Variants in TRIP13 observed in about 807,000 individuals in gnomAD.
TRIP13 encodes the protein thyroid hormone receptor interactor 13.
TRIP13 carries 25 observed loss-of-function variants against 54.4 expected under a neutral mutation model. The ratio of observed to expected loss-of-function variants is 0.46; its 90% CI spans 0.33 to 0.64. TRIP13 has a LOEUF of 0.64. Among genes scored for constraint, TRIP13 ranks in the 30% least tolerant of loss-of-function variants. The pLI is 0.02. For synonymous variants in TRIP13, 207 were observed against 207.8 expected (o/e 1.00, Z 0.03); for missense variants, 373 against 534.2 (o/e 0.70, Z 2.97).
At chr5:906,323 A>G (rs1315696912) in intron 6 of TRIP13, among the ~76,000 whole-genome samples, 1 of 151,676 alleles carries the variant, frequency 6.6e-6, no homozygotes, top group African/African-American at 2.4e-5. Context: ...AGAAATGGCA[A>G]AAAGAAGTCC....
intron 5 of TRIP13, 108 bp downstream of exon 5, chr5:901,539 G>T: frequency 1.0e-6 from 1 of 993,228 alleles, no homozygotes; most frequent in South Asian, 1.5e-5. Context: ...TTCTGAAGGA[G>T]CCACAGCTGT....
chr5:915,969 T>C lies in TRIP13; in HGVS notation c.1199T>C (p.Val400Ala). The C allele has an allele frequency of 6.2e-7, 1 of 1,614,014 alleles. No homozygotes were observed. Among genetic ancestry groups the C allele is most frequent in the South Asian group, 1.1e-5 (1 of 91,084 alleles). ...CCCTTTCTGGCTCATGCGCTGTATG[T>C]CCAGGTGAGTCTCCACTGCTGTCCT... ...KLPFLAHALY[V>A]QAPTVTIEGF... is the part of the protein sequence containing the mutation. Residue 400 changes from valine (V) to alanine (A), a missense_variant, in exon 12 of 13, where the codon GTC becomes GCC. Transcript: ENST00000166345. The surrounding 1 kb of genome is among the most constrained non-coding windows in gnomAD (Gnocchi z 4.2).
intron 1 of TRIP13, 61 bp downstream of exon 1, chr5:893,151 C>T: frequency 7.8e-7 from 1 of 1,281,314 alleles, no homozygotes; most frequent in Non-Finnish European, 1.0e-6. Context: ...CCAGCGCGTG[C>T]ACCGAGCCCC....
At position 911,882 on chromosome 5, in the gene TRIP13, C is replaced by A. The variant is rs140779385; in HGVS notation, c.906C>A (p.Thr302=). 6.2e-7 allele frequency: 1 copy of A among 1,613,660 alleles called. No individual in the cohort carries two copies. Among genetic ancestry groups the A allele is most frequent in the Non-Finnish European group, 8.5e-7 (1 of 1,179,920 alleles). The change falls in exon 10 of 13, where the codon ACC becomes ACA. Residue 302 remains threonine, a synonymous_variant. Coordinates refer to ENST00000166345, the MANE Select transcript of TRIP13 (RefSeq NM_004237.4). The surrounding 1 kb of genome is among the most constrained non-coding windows in gnomAD (Gnocchi z 4.7). Reference sequence around the variant, plus strand: ...TGATTCTGACCACTTCTAACATCACCGAGAAGATCGACGTGGCCTTCGTGG... The same window carrying A: ...TGATTCTGACCACTTCTAACATCACAGAGAAGATCGACGTGGCCTTCGTGG... ...NVVILTTSNI[T]EKIDVAFVDR... is the part of the protein sequence containing the mutation.
intron 4 of TRIP13, among the ~76,000 whole-genome samples, chr5:901,040 C>T (rs1269695882): frequency 6.6e-6 from 1 of 152,192 alleles, no homozygotes; most frequent in Non-Finnish European, 1.5e-5. Context: ...GGAGCTTACT[C>T]ATTACTTGAT....
At chr5:903,161 C>T (rs942872087) in intron 5 of TRIP13, among the ~76,000 whole-genome samples, 11 of 151,970 alleles carry the variant, frequency 7.2e-5, no homozygotes, top group Non-Finnish European at 1.0e-4. Context: ...CTCCCTTTCC[C>T]GGTCTGCTAA....
rs1754329577 is a variant in TRIP13 at position 915,803 on chromosome 5, C to T, written c.1134-101C>T. 2 of 1,279,598 alleles carry T rather than the reference C, an allele frequency of 1.6e-6. No homozygotes were observed. The highest frequency in any genetic ancestry group is 2.3e-6 in the Non-Finnish European group (2 of 881,876). 79.3% of individuals were successfully genotyped at this position (1,279,598 alleles called of 1,614,324 possible). ...AACCCAGGGTGTGCTTGGGACGCCT[C>T]GGCTTGTGTTCCCAGGGATGCCTCG... On this transcript the variant is annotated intron_variant, in intron 11 of 12. Transcript: ENST00000166345. The surrounding 1 kb of genome is among the most constrained non-coding windows in gnomAD (Gnocchi z 4.2).
In TRIP13 at chr5:907,015, G is replaced by C; in HGVS notation, c.609-115G>C. The C allele has an allele frequency of 1.3e-6, 1 of 786,436 alleles. No homozygotes were observed. The highest frequency in any genetic ancestry group is 2.2e-6 in the Non-Finnish European group (1 of 461,902). The allele number at this position is 786,436 out of a possible 1,614,324, so 48.7% of individuals were successfully genotyped here. A position where few individuals can be genotyped will look rare whatever the true frequency, so the allele number is the denominator to read the frequency against. ...ATTCCTCAATTCTTTGTCAGTAATT[G>C]TAATTCCCCCGATGCTGGGCACTTG... On this transcript the variant is annotated intron_variant, in intron 6 of 12. Transcript: ENST00000166345. The surrounding 1 kb of genome is among the most constrained non-coding windows in gnomAD (Gnocchi z 4.1).
Position 915,946 on chromosome 5 carries a change from C to T in TRIP13, c.1176C>T (p.Pro392=), listed in dbSNP as rs2150692881. ...GLSGRVLRKL[P]FLAHALYVQA... ...GCGGCCGGGTCCTGAGAAAACTCCC[C>T]TTTCTGGCTCATGCGCTGTATGTCC... The change falls in exon 12 of 13, where the codon CCC becomes CCT. Residue 392 remains proline (P), a synonymous_variant. Transcript: ENST00000166345. The surrounding 1 kb of genome is among the most constrained non-coding windows in gnomAD (Gnocchi z 4.2). 1 of 1,614,130 alleles carries T rather than the reference C, an allele frequency of 6.2e-7. No individual in the cohort carries two copies. Among genetic ancestry groups the T allele is most frequent in the Non-Finnish European group, 8.5e-7 (1 of 1,179,996 alleles).
intron 6 of TRIP13, among the ~76,000 whole-genome samples, chr5:905,762 A>C (rs1754102082): frequency 6.6e-6 from 1 of 152,232 alleles, no homozygotes; most frequent in South Asian, 2.1e-4. Context: ...TGACTAGCGG[A>C]AATCCTGTGA....
At chr5:901,840 C>T (rs1170805943) in intron 5 of TRIP13, among the ~76,000 whole-genome samples, 1 of 152,120 alleles carries the variant, frequency 6.6e-6, no homozygotes, top group Non-Finnish European at 1.5e-5. Context: ...CCAGGCTGGT[C>T]TCAAACTCCT....
intron 4 of TRIP13, among the ~76,000 whole-genome samples, chr5:900,871 T>G (rs985885620): frequency 6.6e-6 from 1 of 152,188 alleles, no homozygotes; most frequent in African/African-American, 2.4e-5. Flanking sequence ...CCCTGCACCC[T>G]CTTCAACGGG....
rs1207178983 is a variant in TRIP13, at chr5:912,729, A to G, written c.1020+733A>G. 6.6e-6 allele frequency among the ~76,000 whole-genome samples: 1 copy of G among 151,884 alleles called. No homozygotes were observed. Among genetic ancestry groups the G allele is most frequent in the East Asian group, 1.9e-4 (1 of 5,166 alleles). ...TGCGTGAGTCTGGAACGCCGTCGCC[A>G]TGGGCAGTGACGCTGCGGTGTGTGT... On this transcript the variant is annotated intron_variant, in intron 10 of 12. Coordinates refer to ENST00000166345, the MANE Select transcript of TRIP13 (RefSeq NM_004237.4). This position sits in a 1 kb window ranked among gnomAD's most constrained non-coding sequence, Gnocchi z 7.2.
chr5:900,084 G>A (rs916427565), intron 3 of TRIP13, among the ~76,000 whole-genome samples: 6 of 152,260 alleles, frequency 3.9e-5, no homozygotes, highest in Admixed American at 3.3e-4. Flanking sequence ...ATTTTATAAT[G>A]TGTTGTTCAC....
chr5:893,124 A>AC, intron 1 of TRIP13, 34 bp downstream of exon 1: 5 of 1,516,654 alleles, frequency 3.3e-6, no homozygotes, highest in East Asian at 2.5e-5. Context: ...TCCTCTGGGC[A>AC]CCCACCCGCC....
Position 911,202 on chromosome 5 carries a change from G to A in TRIP13, c.867-641G>A, listed in dbSNP as rs1289051393. Among the ~76,000 whole-genome samples, 1 of 152,228 alleles carries A rather than the reference G, an allele frequency of 6.6e-6. No individual in the cohort carries two copies. Among genetic ancestry groups the A allele is most frequent in the Non-Finnish European group, 1.5e-5 (1 of 68,028 alleles). ...GCTCTAGAGTATGTCTAGGGATGAT[G>A]AGTGGCCATGCCCAGGTGGTGGTGG... On this transcript the variant is annotated intron_variant, in intron 9 of 12. Coordinates refer to ENST00000166345, the MANE Select transcript of TRIP13 (RefSeq NM_004237.4). The surrounding 1 kb of genome is among the most constrained non-coding windows in gnomAD (Gnocchi z 4.7).
intron 9 of TRIP13, among the ~76,000 whole-genome samples, chr5:910,594 T>C (rs1313810659): frequency 5.3e-5 from 8 of 152,188 alleles, no homozygotes; most frequent in Admixed American, 5.2e-4. Context: ...GACTTCTCCC[T>C]GTCAGTCACA....
At position 915,538 on chromosome 5, in the gene TRIP13, G is replaced by T. The variant is rs1055424399; in HGVS notation, c.1134-366G>T. 6.6e-6 allele frequency among the ~76,000 whole-genome samples: 1 copy of T among 151,124 alleles called. No individual in the cohort carries two copies. The highest frequency in any genetic ancestry group is 1.9e-4 in the East Asian group (1 of 5,178). ...AGGTGATGCATTCCCTGAGCGCAAG[G>T]ATGCTGGCCCTGGGGCAGAGGCTCC... On this transcript the variant is annotated intron_variant, in intron 11 of 12. Transcript: ENST00000166345. The surrounding 1 kb of genome is among the most constrained non-coding windows in gnomAD (Gnocchi z 4.2).
In TRIP13 at chr5:911,809, G is replaced by A; in HGVS notation, c.867-34G>A. The stretch of plus-strand genomic sequence containing the variant: ...ATAGAATTGGGTCACCGACAGCCGT[G>A]ATGACTGTGGTGCTTGCTTCTCGGC... On this transcript the variant is annotated intron_variant, in intron 9 of 12. Transcript: ENST00000166345. The surrounding 1 kb of genome is among the most constrained non-coding windows in gnomAD (Gnocchi z 4.7). 6.3e-7 allele frequency: 1 copy of A among 1,591,102 alleles called. No individual in the cohort carries two copies.
Sources: allele counts gnomAD v4.1 joint callset (sites outside exome capture counted in the v4.1 genomes callset), GRCh38; gene constraint gnomAD v4.1.1; non-coding constraint Gnocchi (gnomAD v3.1); transcripts MANE v1.5; gene names NCBI Gene and HGNC (gene_info 2026-07-23, HGNC 2026-07-21).